The following SH3D19 variants were observed in gnomAD, a reference collection of about 807,000 sequenced individuals.
The protein encoded by SH3D19 is SH3 domain-containing protein 19.
Under a neutral mutation model 112.1 loss-of-function variants are expected in SH3D19, and 58 were observed. The ratio of observed to expected loss-of-function variants is 0.52; its 90% confidence interval spans 0.42 to 0.64. The LOEUF is 0.64. Ranked by LOEUF, SH3D19 falls within the 30% of genes least tolerant of loss-of-function variation. The probability of loss-of-function intolerance (pLI) is 0.00; values close to 1 mark genes in which losing one functional copy is unlikely to be tolerated. For synonymous variants in SH3D19, 391 were observed against 448.5 expected (o/e 0.87, Z 1.62); for missense variants, 1,090 against 1,263.4 (o/e 0.86, Z 2.08).
chr4:151,181,915 T>C (rs17590316), intron 3 of SH3D19, among the ~76,000 whole-genome samples: 1,617 of 152,172 alleles, frequency 0.011, 15 homozygotes, highest in Non-Finnish European at 0.016. Context: ...AAAGAAATAC[T>C]GCCGCAAAGA....
At chr4:151,157,439 A>C (rs1756334241) in intron 9 of SH3D19, among the ~76,000 whole-genome samples, 1 of 151,314 alleles carries the variant, frequency 6.6e-6, no homozygotes, top group African/African-American at 2.4e-5. Flanking sequence ...AAAAAAAAAA[A>C]CAAATGCTGG....
intron 1 of SH3D19, among the ~76,000 whole-genome samples, chr4:151,274,764 C>T (rs1046708968): frequency 2.0e-5 from 3 of 152,196 alleles, no homozygotes; most frequent in African/African-American, 7.2e-5. Context: ...TAACAAAGTA[C>T]CACAGACTAG....
At chr4:151,200,064 A>G (rs993149332) in intron 2 of SH3D19, among the ~76,000 whole-genome samples, 1 of 152,172 alleles carries the variant, frequency 6.6e-6, no homozygotes, top group Non-Finnish European at 1.5e-5. Flanking sequence ...GATACTGTCT[A>G]TGAACCAGAC....
chr4:151,160,718 C>A (rs1402930410), intron 8 of SH3D19, among the ~76,000 whole-genome samples: 1 of 146,156 alleles, frequency 6.8e-6, no homozygotes, highest in Non-Finnish European at 1.5e-5. Context: ...CTCTCTTCTT[C>A]CATTTCAAGT....
intron 15 of SH3D19, among the ~76,000 whole-genome samples, chr4:151,133,966 A>G (rs1404869556): frequency 6.6e-6 from 1 of 152,176 alleles, no homozygotes; most frequent in Non-Finnish European, 1.5e-5. Flanking sequence ...GAGGGTTTAG[A>G]AAGGAAGTTT....
Position 151,124,836 on chromosome 4 carries a change from G to C in SH3D19, c.3028-2629C>G, listed in dbSNP as rs1748843069. ...AACAACAACAATTCTAACAATTCTAGAACTATCTTATGGACAACCATTTGT... is the reference window on the plus strand; with the variant it reads ...AACAACAACAATTCTAACAATTCTACAACTATCTTATGGACAACCATTTGT... On this transcript the variant is annotated intron_variant, in intron 19 of 19. Coordinates refer to ENST00000604030, the MANE Select transcript of SH3D19 (RefSeq NM_001378122.1). Among the ~76,000 whole-genome samples the C allele has an allele frequency of 2.6e-5, 4 of 152,194 alleles. No individual in the cohort carries two copies. In the South Asian group the frequency reaches 8.3e-4, roughly 32 times the overall value.
chr4:151,267,178 A>AAT (rs1726168451), intron 1 of SH3D19, among the ~76,000 whole-genome samples: 3 of 139,302 alleles, frequency 2.2e-5, no homozygotes, highest in African/African-American at 9.5e-5. Flanking sequence ...AAAAATAAAT[A>AAT]AAATAAATTA....
intron 9 of SH3D19, among the ~76,000 whole-genome samples, chr4:151,153,255 T>C (rs1453206430): frequency 2.6e-5 from 4 of 152,134 alleles, no homozygotes; most frequent in Non-Finnish European, 4.4e-5. Context: ...TACTTCTTTT[T>C]TTATTTTTTA....
intron 2 of SH3D19, among the ~76,000 whole-genome samples, chr4:151,198,165 C>G (rs1180516106): frequency 6.6e-6 from 1 of 150,906 alleles, no homozygotes; most frequent in African/African-American, 2.4e-5. Context: ...ATAAGCCAGG[C>G]GTGGTGGCAC....
intron 2 of SH3D19, among the ~76,000 whole-genome samples, chr4:151,207,640 A>C (rs1289361305): frequency 6.6e-6 from 1 of 152,210 alleles, no homozygotes; most frequent in African/African-American, 2.4e-5. Context: ...TCCAGACTTT[A>C]CCAGTTCATA....
chr4:151,275,277 C>G (rs991955214), intron 1 of SH3D19, among the ~76,000 whole-genome samples: 1 of 151,882 alleles, frequency 6.6e-6, no homozygotes, highest in Non-Finnish European at 1.5e-5. Context: ...TTAGTAGAGA[C>G]GGGTTTTCAC....
At chr4:151,200,780 AGCAAAGAGGTT>A (rs1194770932) in intron 2 of SH3D19, among the ~76,000 whole-genome samples, 7 of 152,384 alleles carry the variant, frequency 4.6e-5, no homozygotes, top group African/African-American at 1.7e-4. Flanking sequence ...CATCTGAATC[AGCAAAGAGGTT>A]GCTCATGCAA....
intron 1 of SH3D19, among the ~76,000 whole-genome samples, chr4:151,239,881 A>G (rs1320250306): frequency 6.6e-6 from 1 of 152,194 alleles, no homozygotes; most frequent in African/African-American, 2.4e-5. Flanking sequence ...CTGAAAAGTT[A>G]TAAATATGAA....
chr4:151,284,250 ATTTTAT>A (rs1234161307), intron 1 of SH3D19, among the ~76,000 whole-genome samples: 3 of 152,162 alleles, frequency 2.0e-5, no homozygotes, highest in East Asian at 3.8e-4. Flanking sequence ...ACACAAGTCC[ATTTTAT>A]TTTTATGTTT....
At chr4:151,224,890 T>C (rs772851129) in intron 2 of SH3D19, among the ~76,000 whole-genome samples, 2 of 152,158 alleles carry the variant, frequency 1.3e-5, no homozygotes, top group Non-Finnish European at 2.9e-5. Context: ...TCTTACGAAC[T>C]GTTTAATGAT....
intron 1 of SH3D19, among the ~76,000 whole-genome samples, chr4:151,280,539 C>T (rs1774113281): frequency 6.6e-6 from 1 of 152,146 alleles, no homozygotes; most frequent in Admixed American, 6.6e-5. Flanking sequence ...TTGTTTTAAG[C>T]CACTAAGCTT....
intron 17 of SH3D19, among the ~76,000 whole-genome samples, chr4:151,128,972 T>G (rs1000079389): frequency 9.2e-5 from 14 of 152,206 alleles, no homozygotes; most frequent in Admixed American, 8.5e-4. Flanking sequence ...CCTATTATAT[T>G]GTTATATTAA....
Position 151,175,041 on chromosome 4 carries a change from T to A in SH3D19, c.1163A>T (p.Asn388Ile), listed in dbSNP as rs1301036347. The change falls in exon 7 of 20, where the codon AAC becomes ATC. Residue 388 changes from asparagine to isoleucine, a missense_variant. Physicochemically the swap from Asn to Ile is moderately radical, Grantham distance 149. Coordinates refer to ENST00000604030, the MANE Select transcript of SH3D19 (RefSeq NM_001378122.1). Reference protein sequence around the residue: ...VTKPELPKKPNPGLIRSVNPE... With the variant: ...VTKPELPKKPIPGLIRSVNPE... ...ATTAACACTTCGTATAAGGCCAGGG[T>A]TTGGTTTCTTTGGCAATTCAGGTTT... is the stretch of plus-strand genomic sequence containing the variant. 3.7e-6 allele frequency: 6 copies of A among 1,614,002 alleles called. No individual in the cohort carries two copies. The highest frequency in any genetic ancestry group is 5.1e-6 in the Non-Finnish European group (6 of 1,179,992).
chr4:151,301,321 A>T (rs183203182), intron 1 of SH3D19, among the ~76,000 whole-genome samples: 1 of 152,212 alleles, frequency 6.6e-6, no homozygotes, highest in African/African-American at 2.4e-5. Context: ...TCCACCTCCC[A>T]GGTTCAAGCA....
Sources: gnomAD v4.1 joint callset for allele counts (sites outside exome capture counted in the v4.1 genomes callset) on GRCh38, gnomAD v4.1.1 for gene constraint, MANE v1.5 for transcripts, NCBI Gene and HGNC (gene_info 2026-07-23, HGNC 2026-07-21) for gene names.